Variants in PHYHIP observed in about 807,000 individuals in gnomAD.
The protein encoded by PHYHIP is phytanoyl-CoA 2-hydroxylase interacting protein.
A neutral mutation model predicts 26.1 loss-of-function variants in PHYHIP; 7 were observed. That is an observed-to-expected ratio of 0.27 (90% CI 0.15 to 0.50). PHYHIP has a LOEUF of 0.50. Among genes scored for constraint, PHYHIP ranks in the 20% least tolerant of loss-of-function variants. The pLI, the probability that PHYHIP is intolerant of heterozygous loss-of-function variation, is 0.98. For missense variants in PHYHIP, 232 were observed against 454.7 expected, an observed-to-expected ratio of 0.51 and a Z score of 4.45; for synonymous variants, 206 against 183.4, an observed-to-expected ratio of 1.12 and a Z score of -1.00.
At position 22,227,073 on chromosome 8, in the gene PHYHIP, A is replaced by G. The variant is rs200606338; in HGVS notation, c.166-48T>C. 11 of 1,530,672 alleles carry G rather than the reference A, an allele frequency of 7.2e-6. No individual in the cohort carries two copies. The East Asian group carries it at 2.3e-4, about 32-fold the overall frequency. 94.8% of individuals were successfully genotyped at this position (1,530,672 alleles called of 1,614,324 possible). A position where few individuals can be genotyped will look rare whatever the true frequency, so the allele number is the denominator to read the frequency against. Reference sequence around the variant, plus strand: ...AGAGCCAGGCGTCAAACAGGGGTTCATGCCCAATCTGGGCATCACCCCAGA... The same window carrying G: ...AGAGCCAGGCGTCAAACAGGGGTTCGTGCCCAATCTGGGCATCACCCCAGA... On this transcript the variant is annotated intron_variant, in intron 2 of 4. Transcript: ENST00000454243.
intron 4 of PHYHIP, among the ~76,000 whole-genome samples, 196 bp from the exon 5 acceptor site, chr8:22,222,083 C>T (rs1205942525): frequency 6.6e-6 from 1 of 152,138 alleles, no homozygotes; most frequent in Non-Finnish European, 1.5e-5. Context: ...GGGATTCAAC[C>T]AGCCCACTCC....
Position 22,228,367 on chromosome 8 carries a change from A to C in PHYHIP, c.-10T>G. On this transcript the variant is annotated 5_prime_UTR_variant, in exon 2 of 5. Transcript: ENST00000454243. ...TGGACAGCAGCTCCATGCTCCCGTC[A>C]GGGTTGTCTCCTGTGGGGACTGAGG... 6.3e-7 allele frequency: 1 copy of C among 1,578,924 alleles called. No individual in the cohort carries two copies. Among genetic ancestry groups the C allele is most frequent in the Non-Finnish European group, 8.6e-7 (1 of 1,161,828 alleles).
chr8:22,221,610 C>T lies in PHYHIP; in HGVS notation c.736G>A (p.Gly246Arg), dbSNP rs1469581255. ...AGGCGGTCGCGGCAGAAGCGGTCCC[C>T]CAGGGAGCCTTTGGGCGCCAGCACC... ...ILVLAPKGSL[G>R]DRFCRDRLPL... is the part of the protein sequence containing the mutation. The change falls in exon 5 of 5, where the codon GGG becomes AGG. Residue 246 changes from glycine to arginine, a missense_variant. Gly to Arg is a moderately radical substitution (Grantham distance 125, BLOSUM62 -2). Transcript: ENST00000454243. The surrounding 1 kb of genome is among the most constrained non-coding windows in gnomAD (Gnocchi z 7.9). 1 of 1,613,676 alleles carries T rather than the reference C, an allele frequency of 6.2e-7. No individual in the cohort carries two copies. Among genetic ancestry groups the T allele is most frequent in the Non-Finnish European group, 8.5e-7 (1 of 1,179,928 alleles).
rs535197598 is a variant in PHYHIP, at chr8:22,228,337, G to A, written c.21C>T (p.Pro7=). The change falls in exon 2 of 5, where the codon CCC becomes CCT. Residue 7 remains proline (P), a synonymous_variant. Coordinates refer to ENST00000454243, the MANE Select transcript of PHYHIP (RefSeq NM_014759.5). ...TGATGTTGTTGATCTCAATGCTGTG[G>A]GGCGTGGACAGCAGCTCCATGCTCC... MELLST[P]HSIEINNITC... 1.9e-6 allele frequency: 3 copies of A among 1,602,200 alleles called. No homozygotes were observed. The highest frequency in any genetic ancestry group is 1.7e-6 in the Non-Finnish European group (2 of 1,174,690).
rs180801147 is a variant in PHYHIP at position 22,221,321 on chromosome 8, C to T, written c.*32G>A. Reference sequence around the variant, plus strand: ...CTACCCACCTCCACCTTCCGCTCATCTCTCCCTCGCCCCCCAGCTCCCCAG... The same window carrying T: ...CTACCCACCTCCACCTTCCGCTCATTTCTCCCTCGCCCCCCAGCTCCCCAG... On this transcript the variant is annotated 3_prime_UTR_variant, in exon 5 of 5. Coordinates refer to ENST00000454243, the MANE Select transcript of PHYHIP (RefSeq NM_014759.5). This position sits in a 1 kb window ranked among gnomAD's most constrained non-coding sequence, Gnocchi z 7.9. The T allele has an allele frequency of 8.3e-5, 127 of 1,527,486 alleles. No homozygotes were observed. In the African/African-American group the frequency reaches 1.6e-3, roughly 19 times the overall value. 94.6% of individuals were successfully genotyped at this position (1,527,486 alleles called of 1,614,324 possible).
chr8:22,222,993 C>T (rs1049856600), intron 4 of PHYHIP, among the ~76,000 whole-genome samples: 1 of 152,088 alleles, frequency 6.6e-6, no homozygotes, highest in Non-Finnish European at 1.5e-5. Flanking sequence ...GCAGGCCTTG[C>T]TTCTTTAATA....
At chr8:22,227,070 T>C in intron 2 of PHYHIP, 45 bp from the exon 3 acceptor site, 1 of 1,545,430 alleles carries the variant, frequency 6.5e-7, no homozygotes, top group Non-Finnish European at 8.8e-7. Context: ...CAAACAGGGG[T>C]TCATGCCCAA....
At chr8:22,226,119 C>G (rs964654719) in intron 3 of PHYHIP, among the ~76,000 whole-genome samples, 2 of 152,146 alleles carry the variant, frequency 1.3e-5, no homozygotes, top group African/African-American at 2.4e-5. Flanking sequence ...TTTGCGGGGC[C>G]ATTGACCAGG....
At chr8:22,227,156 A>G (rs1479727337) in intron 2 of PHYHIP, 131 bp from the exon 3 acceptor site, 11 of 782,726 alleles carry the variant, frequency 1.4e-5, no homozygotes, top group Admixed American at 5.8e-5. Context: ...TGAGGATCCA[A>G]TGGCTCCATA....
intron 1 of PHYHIP, among the ~76,000 whole-genome samples, chr8:22,230,778 C>T (rs899491293): frequency 1.3e-5 from 2 of 152,290 alleles, no homozygotes; most frequent in African/African-American, 2.4e-5. Flanking sequence ...AAGAATGCCC[C>T]ACAGTTTTCC....
intron 1 of PHYHIP, among the ~76,000 whole-genome samples, chr8:22,229,496 T>C (rs549003028): frequency 1.3e-5 from 2 of 152,354 alleles, no homozygotes; most frequent in African/African-American, 4.8e-5. Flanking sequence ...TCATGTGTGC[T>C]TTAGCTGGGA....
intron 2 of PHYHIP, among the ~76,000 whole-genome samples, chr8:22,227,981 G>A (rs770317559): frequency 5.9e-5 from 9 of 152,234 alleles, no homozygotes; most frequent in African/African-American, 1.7e-4. Flanking sequence ...TCCTCTCCAC[G>A]ACCCCGTGAG....
At chr8:22,225,957 C>T (rs906881477) in intron 3 of PHYHIP, among the ~76,000 whole-genome samples, 2 of 152,198 alleles carry the variant, frequency 1.3e-5, no homozygotes, top group Non-Finnish European at 2.9e-5. Context: ...CGTGTCTCTT[C>T]TGTGTGACAG....
chr8:22,229,155 C>T (rs2131932989), intron 1 of PHYHIP, among the ~76,000 whole-genome samples: 1 of 152,292 alleles, frequency 6.6e-6, no homozygotes, highest in East Asian at 1.9e-4. Flanking sequence ...CACACACTAT[C>T]ATTATCTCCA....
At chr8:22,229,763 GCAT>G (rs1477239279) in intron 1 of PHYHIP, among the ~76,000 whole-genome samples, 4 of 152,124 alleles carry the variant, frequency 2.6e-5, no homozygotes, top group Non-Finnish European at 5.9e-5. Context: ...AGTGGTGAGG[GCAT>G]CTTGTGCCTG....
chr8:22,221,897 C>T lies in PHYHIP; in HGVS notation c.459-10G>A, dbSNP rs1040698528. 1 of 1,493,278 alleles carries T rather than the reference C, an allele frequency of 6.7e-7. No homozygotes were observed. Among genetic ancestry groups the T allele is most frequent in the Non-Finnish European group, 8.9e-7 (1 of 1,119,178 alleles). The allele number at this position is 1,493,278 out of a possible 1,614,324, so 92.5% of individuals were successfully genotyped here. On this transcript the variant is annotated splice_polypyrimidine_tract_variant and intron_variant, in intron 4 of 4. Coordinates refer to ENST00000454243, the MANE Select transcript of PHYHIP (RefSeq NM_014759.5). The surrounding 1 kb of genome is among the most constrained non-coding windows in gnomAD (Gnocchi z 7.9). ...GTTCCCGCAGTGGGTCCTGCCCACC[C>T]CAGGGAGACACACCAAAGGGAAGAG...
rs1280041888 is a variant in PHYHIP, at chr8:22,220,059, A to G, written c.*1294T>C. The G allele has an allele frequency of 6.6e-6, 1 of 152,428 alleles. No individual in the cohort carries two copies. The highest frequency in any genetic ancestry group is 2.4e-5 in the African/African-American group (1 of 41,450). 9.4% of individuals were successfully genotyped at this position (152,428 alleles called of 1,614,324 possible). ...CTTCATCACGAAAATCCAGCTGCTC[A>G]TCCATCATCTCTGTCACCTCTGAGA... On this transcript the variant is annotated 3_prime_UTR_variant, in exon 5 of 5. Coordinates refer to ENST00000454243, the MANE Select transcript of PHYHIP (RefSeq NM_014759.5).
chr8:22,227,512 G>A (rs900656699), intron 2 of PHYHIP: 2 of 425,266 alleles, frequency 4.7e-6, no homozygotes. Context: ...GAGAGCGGGT[G>A]AGTAACCCAC....
At chr8:22,230,344 C>T (rs1032445772) in intron 1 of PHYHIP, among the ~76,000 whole-genome samples, 7 of 152,066 alleles carry the variant, frequency 4.6e-5, no homozygotes, top group Admixed American at 3.9e-4. Flanking sequence ...TTGGAGTCCT[C>T]CTAGAAATAG....
Sources: allele counts gnomAD v4.1 joint callset (sites outside exome capture counted in the v4.1 genomes callset), GRCh38; gene constraint gnomAD v4.1.1; non-coding constraint Gnocchi (gnomAD v3.1); transcripts MANE v1.5; gene names NCBI Gene and HGNC (gene_info 2026-07-23, HGNC 2026-07-21).